ZNF469: variants seen among roughly 807,000 people sequenced by gnomAD.
ZNF469 encodes zinc finger protein 469.
In ZNF469, 1 loss-of-function variant was observed where a neutral mutation model predicts 1.0. That is an observed-to-expected ratio of 1.00 (90% confidence interval 0.35 to 4.73). ZNF469 has a LOEUF of 4.73. Among genes scored for constraint, ZNF469 ranks in the 30% most tolerant of loss-of-function variants. The probability of loss-of-function intolerance (pLI) is 0.16; values close to 1 mark genes in which losing one functional copy is unlikely to be tolerated. For missense variants in ZNF469, 6,100 were observed against 5,356.3 expected (o/e 1.14, Z -4.33); for synonymous variants, 2,703 against 2,363.4 (o/e 1.14, Z -4.17).
chr16:88,360,038 G>A, the ZNF469 span, among the ~76,000 whole-genome samples: 1 of 152,134 alleles, frequency 6.6e-6, no homozygotes, highest in Non-Finnish European at 1.5e-5. Context: ...TGTATTTTTA[G>A]TAGAGATGGG....
chr16:88,270,716 C>G, the ZNF469 span, among the ~76,000 whole-genome samples: 2 of 152,236 alleles, frequency 1.3e-5, no homozygotes, highest in Admixed American at 6.5e-5. Flanking sequence ...TTGTTTTTCT[C>G]TTGGCTTTTG....
At chr16:88,189,639 G>C in the ZNF469 span, among the ~76,000 whole-genome samples, 8 of 152,370 alleles carry the variant, frequency 5.3e-5, no homozygotes, top group South Asian at 1.7e-3. The surrounding 1 kb of genome is among the most constrained non-coding windows in gnomAD (Gnocchi z 4.3). Context: ...AAAGGCACAG[G>C]CTGGGCACAG....
chr16:88,375,210 G>A, the ZNF469 span, among the ~76,000 whole-genome samples: 2 of 152,222 alleles, frequency 1.3e-5, no homozygotes, highest in Admixed American at 1.3e-4. Context: ...GATTCCAAGA[G>A]CAGCCACAGA....
At chr16:88,357,390 G>A in the ZNF469 span, among the ~76,000 whole-genome samples, 5 of 152,204 alleles carry the variant, frequency 3.3e-5, no homozygotes, top group South Asian at 4.1e-4. Flanking sequence ...CCTCGACTGC[G>A]TTGACCCCCA....
intron 1 of ZNF469, among the ~76,000 whole-genome samples, chr16:88,410,401 G>A (rs1480948986): frequency 6.6e-6 from 1 of 151,492 alleles, no homozygotes; most frequent in Non-Finnish European, 1.5e-5. Flanking sequence ...TGATGCTGTT[G>A]ATGGTGCAGG....
intron 1 of ZNF469, among the ~76,000 whole-genome samples, chr16:88,402,400 C>T (rs1904908066): frequency 1.3e-5 from 2 of 152,118 alleles, no homozygotes; most frequent in South Asian, 4.2e-4. Flanking sequence ...TGGGTAGCAC[C>T]ATGGCTGGAC....
intron 1 of ZNF469, among the ~76,000 whole-genome samples, chr16:88,400,283 T>C (rs1402713213): frequency 2.6e-5 from 4 of 152,168 alleles, no homozygotes; most frequent in South Asian, 2.1e-4. Flanking sequence ...CTCAGTGTCC[T>C]GTGGCCCCAC....
At chr16:88,318,104 G>A in the ZNF469 span, among the ~76,000 whole-genome samples, 5 of 152,198 alleles carry the variant, frequency 3.3e-5, no homozygotes, top group South Asian at 2.1e-4. Context: ...ATCCCTGCCC[G>A]TGGCTTGGGC....
chr16:88,262,058 A>AGCTT, the ZNF469 span, among the ~76,000 whole-genome samples: 1 of 152,152 alleles, frequency 6.6e-6, no homozygotes, highest in East Asian at 1.9e-4. The surrounding 1 kb of genome is among the most constrained non-coding windows in gnomAD (Gnocchi z 4.3). Flanking sequence ...TCCGAGGCCG[A>AGCTT]TCTACGAGTG....
the ZNF469 span, among the ~76,000 whole-genome samples, chr16:88,220,055 C>T: frequency 6.6e-6 from 1 of 152,232 alleles, no homozygotes; most frequent in Non-Finnish European, 1.5e-5. Context: ...ATGACCTCAG[C>T]AGCCTCATGA....
the ZNF469 span, among the ~76,000 whole-genome samples, chr16:88,322,494 C>A: frequency 6.6e-6 from 1 of 152,254 alleles, no homozygotes; most frequent in African/African-American, 2.4e-5. Context: ...GGGGAGCCAA[C>A]TGCAGTATGC....
chr16:88,271,367 C>T, the ZNF469 span, among the ~76,000 whole-genome samples: 1 of 132,592 alleles, frequency 7.5e-6, no homozygotes, highest in East Asian at 2.7e-4. Flanking sequence ...GCTTCGCAGA[C>T]CATGAGGGTG....
the ZNF469 span, among the ~76,000 whole-genome samples, chr16:88,322,855 C>T: frequency 5.3e-5 from 8 of 152,184 alleles, no homozygotes; most frequent in African/African-American, 1.9e-4. Context: ...CAAATGTGAG[C>T]CCAGCCCAGG....
chr16:88,253,037 C>T, the ZNF469 span, among the ~76,000 whole-genome samples: 2 of 152,194 alleles, frequency 1.3e-5, no homozygotes, highest in African/African-American at 2.4e-5. Flanking sequence ...TTCAGTGGCT[C>T]ATTGCTTTTT....
chr16:88,239,405 T>C, the ZNF469 span, among the ~76,000 whole-genome samples: 1 of 151,920 alleles, frequency 6.6e-6, no homozygotes, highest in Non-Finnish European at 1.5e-5. Context: ...TACAGGATTC[T>C]TTCATCTACT....
At chr16:88,149,268 C>A in the ZNF469 span, among the ~76,000 whole-genome samples, 1 of 152,206 alleles carries the variant, frequency 6.6e-6, no homozygotes, top group African/African-American at 2.4e-5. Context: ...ACATGGGAGA[C>A]CTCCGTGGGC....
chr16:88,126,254 A>G, the ZNF469 span, among the ~76,000 whole-genome samples: 6 of 146,106 alleles, frequency 4.1e-5, no homozygotes, highest in African/African-American at 1.5e-4. Flanking sequence ...TTGTCTGTAG[A>G]TAATGCAGTT....
the ZNF469 span, among the ~76,000 whole-genome samples, chr16:88,179,699 T>G: frequency 6.6e-6 from 1 of 152,250 alleles, no homozygotes; most frequent in African/African-American, 2.4e-5. Context: ...ACCTCTGGTC[T>G]CTGGAACTGC....
the ZNF469 span, among the ~76,000 whole-genome samples, chr16:88,347,482 C>G: frequency 6.6e-6 from 1 of 152,154 alleles, no homozygotes; most frequent in African/African-American, 2.4e-5. Flanking sequence ...GAGAGAGGCC[C>G]GGAGCAGACC....
Sources: gnomAD v4.1 joint callset for allele counts (sites outside exome capture counted in the v4.1 genomes callset) on GRCh38, gnomAD v4.1.1 for gene constraint, Gnocchi (gnomAD v3.1) non-coding constraint, MANE v1.5 for transcripts, NCBI Gene and HGNC (gene_info 2026-07-23, HGNC 2026-07-21) for gene names.